The following ARFGEF1 variants were observed in gnomAD, a reference collection of about 807,000 sequenced individuals.
ARFGEF1 encodes the protein ARF guanine nucleotide exchange factor 1.
A neutral mutation model predicts 231.0 loss-of-function variants in ARFGEF1; 42 were observed. The observed-to-expected ratio is 0.18, with a 90% confidence interval of 0.14 to 0.24. The LOEUF is 0.24. Among genes scored for constraint, ARFGEF1 ranks in the 10% least tolerant of loss-of-function variants. ARFGEF1 has a pLI of 1.00. For synonymous variants in ARFGEF1, 710 were observed against 732.3 expected (o/e 0.97, Z 0.49); for missense variants, 1,345 against 2,192.0 (o/e 0.61, Z 7.72).
Position 67,302,451 on chromosome 8 carries a change from TCCGC to T in ARFGEF1, c.136_139del (p.Ala46LysfsTer22). 6.4e-7 allele frequency: 1 copy of T among 1,573,684 alleles called. No homozygotes were observed. Among genetic ancestry groups the T allele is most frequent in the Non-Finnish European group, 8.6e-7 (1 of 1,164,140 alleles). Reference sequence around the variant, plus strand: ...TCCCACAAACCTCTGTTTTTCAGTTTCCGCTTTTATTTCCTCTGAGGGGAAAAAA... The same window carrying T: ...TCCCACAAACCTCTGTTTTTCAGTTTTTTTATTTCCTCTGAGGGGAAAAAA... On this transcript the variant is annotated frameshift_variant, in exon 2 of 39. Coordinates refer to ENST00000262215, the MANE Select transcript of ARFGEF1 (RefSeq NM_006421.5). LOFTEE classifies it high-confidence loss of function.
At chr8:67,298,242 C>T (rs1194083489) in intron 4 of ARFGEF1, among the ~76,000 whole-genome samples, 2 of 152,094 alleles carry the variant, frequency 1.3e-5, no homozygotes, top group Non-Finnish European at 2.9e-5. Context: ...TTCAAAAGTA[C>T]TGTACTATAT....
intron 14 of ARFGEF1, among the ~76,000 whole-genome samples, chr8:67,262,013 G>A (rs1030401242): frequency 2.6e-5 from 4 of 151,856 alleles, no homozygotes; most frequent in Admixed American, 6.6e-5. Context: ...CTGCCATGTA[G>A]AGATACTACT....
intron 4 of ARFGEF1, among the ~76,000 whole-genome samples, chr8:67,298,958 T>C (rs900714599): frequency 7.9e-5 from 12 of 152,050 alleles, no homozygotes; most frequent in African/African-American, 2.9e-4. Context: ...TAGTAGAGTA[T>C]TTTTAGTAGA....
intron 1 of ARFGEF1, among the ~76,000 whole-genome samples, chr8:67,340,249 C>G (rs1369701877): frequency 6.6e-6 from 1 of 152,190 alleles, no homozygotes; most frequent in African/African-American, 2.4e-5. Context: ...GCTGTATGCT[C>G]AATAAATATT....
At chr8:67,182,364 A>C (rs901069036) in intron 5 of ARFGEF1, among the ~76,000 whole-genome samples, 1 of 151,442 alleles carries the variant, frequency 6.6e-6, no homozygotes, top group African/African-American at 2.4e-5. Flanking sequence ...TGTGTGTACC[A>C]CGTTTTGTTT....
At chr8:67,189,351 T>G (rs892573259) in intron 5 of ARFGEF1, among the ~76,000 whole-genome samples, 3 of 152,174 alleles carry the variant, frequency 2.0e-5, no homozygotes, top group Admixed American at 6.5e-5. Context: ...TTGCTAAAAC[T>G]TGGAAGCAGC....
In ARFGEF1 at chr8:67,331,257, CTGCTATGGTCTGTA is replaced by C. The variant is rs1328717798; in HGVS notation, c.124+11893_124+11906del. 3.9e-5 allele frequency among the ~76,000 whole-genome samples: 6 copies of C among 152,178 alleles called. No homozygotes were observed. The East Asian group carries it at 1.2e-3, about 29-fold the overall frequency. Reference sequence around the variant, plus strand: ...TTAAAATACATACTTATTATATACCCTGCTATGGTCTGTATGTTTGTGTCCTCCCAAAAAAATCA... The same window carrying C: ...TTAAAATACATACTTATTATATACCCTGTTTGTGTCCTCCCAAAAAAATCA... On this transcript the variant is annotated intron_variant, in intron 1 of 38. Transcript: ENST00000262215.
In ARFGEF1 at chr8:67,343,329, C is replaced by G; in HGVS notation, c.-42G>C. On this transcript the variant is annotated 5_prime_UTR_variant, in exon 1 of 39. Coordinates refer to ENST00000262215, the MANE Select transcript of ARFGEF1 (RefSeq NM_006421.5). ...GCGGCGGCTCGTCCGACCCGCGGCT[C>G]CCAGCGGCTGGAGGGGAGGAGGAGG... 1 of 1,603,628 alleles carries G rather than the reference C, an allele frequency of 6.2e-7. No individual in the cohort carries two copies. The highest frequency in any genetic ancestry group is 8.5e-7 in the Non-Finnish European group (1 of 1,173,724).
intron 34 of ARFGEF1, among the ~76,000 whole-genome samples, chr8:67,205,425 CCT>C (rs1331342475): frequency 2.6e-5 from 4 of 152,134 alleles, no homozygotes; most frequent in Non-Finnish European, 5.9e-5. Context: ...ACTGGACACC[CCT>C]GATTTAGAAC....
At chr8:67,178,276 T>C (rs1832158646) in intron 5 of ARFGEF1, among the ~76,000 whole-genome samples, 1 of 152,006 alleles carries the variant, frequency 6.6e-6, no homozygotes, top group Non-Finnish European at 1.5e-5. Flanking sequence ...ACAAAGAAAA[T>C]AAGCAAAGGA....
chr8:67,310,156 G>T (rs964007892), intron 1 of ARFGEF1, among the ~76,000 whole-genome samples: 1 of 152,028 alleles, frequency 6.6e-6, no homozygotes, highest in Non-Finnish European at 1.5e-5. Flanking sequence ...CTCTCATGCG[G>T]AGCCGAAGCT....
chr8:67,198,794 G>A lies in ARFGEF1; in HGVS notation c.*140C>T. The stretch of plus-strand genomic sequence containing the variant: ...AAAGGGACTGGAGTGTTGCAAGTTT[G>A]AGTAAGACTTCTAAGCATCTTTACC... On this transcript the variant is annotated 3_prime_UTR_variant, in exon 39 of 39. Coordinates refer to ENST00000262215, the MANE Select transcript of ARFGEF1 (RefSeq NM_006421.5). 2 of 1,447,290 alleles carry A rather than the reference G, an allele frequency of 1.4e-6. No individual in the cohort carries two copies. The highest frequency in any genetic ancestry group is 1.8e-4 in the Middle Eastern group (1 of 5,506). 89.7% of individuals were successfully genotyped at this position (1,447,290 alleles called of 1,614,324 possible). A position where few individuals can be genotyped will look rare whatever the true frequency, so the allele number is the denominator to read the frequency against.
intron 22 of ARFGEF1, among the ~76,000 whole-genome samples, chr8:67,236,068 G>T (rs761808706): frequency 2.0e-5 from 3 of 151,670 alleles, no homozygotes; most frequent in Non-Finnish European, 4.4e-5. Flanking sequence ...GCCAAGGCGG[G>T]CAGATCACAT....
intron 1 of ARFGEF1, among the ~76,000 whole-genome samples, chr8:67,320,191 TCCA>T (rs1195487735): frequency 1.7e-5 from 2 of 118,322 alleles, no homozygotes; most frequent in Non-Finnish European, 3.2e-5. Flanking sequence ...ACCACTGCAC[TCCA>T]GACTGGGTGA....
At position 67,276,081 on chromosome 8, in the gene ARFGEF1, G is replaced by A. The variant is rs765914390; in HGVS notation, c.1232C>T (p.Pro411Leu). 1 of 1,613,142 alleles carries A rather than the reference G, an allele frequency of 6.2e-7. No homozygotes were observed. Among genetic ancestry groups the A allele is most frequent in the African/African-American group, 1.3e-5 (1 of 74,868 alleles). The change falls in exon 9 of 39, where the codon CCT (proline) becomes CTT (leucine). Residue 411 changes from proline (P) to leucine (L), a missense_variant. Pro to Leu is a moderately conservative substitution (Grantham distance 98). This residue lies in a region of ARFGEF1 where 141 missense variants were observed against 259.9 expected (regional missense o/e 0.54). Coordinates refer to ENST00000262215, the MANE Select transcript of ARFGEF1 (RefSeq NM_006421.5). Reference sequence around the variant, plus strand: ...TAAAATGTGGGAAAACTTAGCACCAGGTGAAGGTCCTGAAGAATTTCCAGA... The same window carrying A: ...TAAAATGTGGGAAAACTTAGCACCAAGTGAAGGTCCTGAAGAATTTCCAGA... ...QESGNSSGPS[P>L]GAKFSHILQK...
intron 14 of ARFGEF1, among the ~76,000 whole-genome samples, chr8:67,262,452 G>T (rs1195299413): frequency 6.6e-6 from 1 of 152,186 alleles, no homozygotes; most frequent in Non-Finnish European, 1.5e-5. Flanking sequence ...GTGAACACTG[G>T]TGGAAAGAAA....
At chr8:67,200,318 C>A in intron 38 of ARFGEF1, 78 bp downstream of exon 38, 1 of 1,011,344 alleles carries the variant, frequency 9.9e-7, no homozygotes, top group East Asian at 2.4e-5. Flanking sequence ...AGAGCTCTTG[C>A]ACGGCGGCTC....
intron 14 of ARFGEF1, among the ~76,000 whole-genome samples, chr8:67,262,571 A>G (rs937230607): frequency 6.6e-6 from 1 of 152,220 alleles, no homozygotes; most frequent in African/African-American, 2.4e-5. Context: ...ATACTATCAA[A>G]CAGCATTACA....
Position 67,227,191 on chromosome 8 carries a change from C to G in ARFGEF1, c.3862G>C (p.Asp1288His), listed in dbSNP as rs1246186593. The stretch of plus-strand genomic sequence containing the variant: ...AGTTCCACTATGCTTTCATCTTGAT[C>G]AGATGCAGCTAGATGAAATACAGAG... ...IFSVFHLAAS[D>H]QDESIVELAF... is the part of the protein sequence containing the mutation. Residue 1288 changes from aspartate to histidine, a missense_variant, in exon 27 of 39, where the codon GAT becomes CAT. Asp to His is a moderately conservative substitution (Grantham distance 81). Transcript: ENST00000262215. 6.2e-7 allele frequency: 1 copy of G among 1,612,810 alleles called. No individual in the cohort carries two copies. Among genetic ancestry groups the G allele is most frequent in the East Asian group, 2.2e-5 (1 of 44,820 alleles).
Sources: allele counts gnomAD v4.1 joint callset (sites outside exome capture counted in the v4.1 genomes callset), GRCh38; gene constraint gnomAD v4.1.1; regional missense constraint gnomAD v4.1.1; transcripts MANE v1.5; gene names NCBI Gene and HGNC (gene_info 2026-07-23, HGNC 2026-07-21).